Variants in ZFHX3 observed in about 807,000 individuals in gnomAD.
ZFHX3 encodes the protein zinc finger homeobox 3.
In ZFHX3, 42 loss-of-function variants were observed where a neutral mutation model predicts 279.1. That is an observed-to-expected ratio of 0.15 (90% CI 0.12 to 0.19). The LOEUF is 0.19. Ranked by LOEUF, ZFHX3 falls within the 10% of genes least tolerant of loss-of-function variation. The pLI is 1.00. For missense variants in ZFHX3, 4,981 were observed against 4,754.0 expected, an observed-to-expected ratio of 1.05 and a Z score of -1.40; for synonymous variants, 2,293 against 1,957.8, an observed-to-expected ratio of 1.17 and a Z score of -4.52.
intron 1 of ZFHX3, among the ~76,000 whole-genome samples, chr16:73,692,317 A>C (rs2053156980): frequency 6.6e-6 from 1 of 152,170 alleles, no homozygotes; most frequent in African/African-American, 2.4e-5. Context: ...AAATCAGTAC[A>C]ATCTTCAGAT....
intron 1 of ZFHX3, among the ~76,000 whole-genome samples, chr16:73,756,910 C>T (rs758515364): frequency 1.3e-5 from 2 of 152,038 alleles, no homozygotes; most frequent in Non-Finnish European, 2.9e-5. Context: ...CATTAGGAAC[C>T]TCAACATTAT....
chr16:73,750,136 G>A (rs373315459), intron 1 of ZFHX3, among the ~76,000 whole-genome samples: 7 of 152,210 alleles, frequency 4.6e-5, no homozygotes, highest in East Asian at 3.9e-4. Flanking sequence ...TCAATAGGGA[G>A]AAAGAAACCA....
intron 5 of ZFHX3, among the ~76,000 whole-genome samples, chr16:73,180,673 T>C (rs1967770416): frequency 6.6e-6 from 1 of 152,192 alleles, no homozygotes; most frequent in African/African-American, 2.4e-5. Flanking sequence ...CTGCTGTTTT[T>C]TTTTTTTGAG....
chr16:73,786,760 G>T (rs1959662367), intron 1 of ZFHX3, among the ~76,000 whole-genome samples: 1 of 152,220 alleles, frequency 6.6e-6, no homozygotes, highest in South Asian at 2.1e-4. Flanking sequence ...TTTAGGGAAA[G>T]AGGTCTTTGC....
chr16:73,688,186 G>A (rs188805203), intron 1 of ZFHX3, among the ~76,000 whole-genome samples: 8 of 151,666 alleles, frequency 5.3e-5, no homozygotes, highest in South Asian at 2.1e-4. Flanking sequence ...GTGAAACCCC[G>A]TCTCTACTAA....
At chr16:73,064,406 G>T (rs899916507), upstream of ZFHX3, among the ~76,000 whole-genome samples, 2 of 152,142 alleles carry the variant, frequency 1.3e-5, no homozygotes, top group Non-Finnish European at 2.9e-5. Flanking sequence ...GAGCCCTGCC[G>T]CCCCTAACCC....
In ZFHX3 at chr16:73,682,717, G is replaced by A. The variant is rs570202390; in HGVS notation, c.-1607-2477C>T. Among the ~76,000 whole-genome samples, 9 of 151,682 alleles carry A rather than the reference G, an allele frequency of 5.9e-5. No homozygotes were observed. In the South Asian group the frequency reaches 1.7e-3, roughly 28 times the overall value. On this transcript the variant is annotated intron_variant, in intron 1 of 17. Coordinates refer to the ZFHX3 transcript ENST00000641206. ...CAGGAGAATCACCTGAACCCAGGAGGTGGAGGTTGCAGTGAGCTGAGATCC... is the reference window on the plus strand; with the variant it reads ...CAGGAGAATCACCTGAACCCAGGAGATGGAGGTTGCAGTGAGCTGAGATCC...
At chr16:73,168,281 A>ATTTCTTTCTTTCTTTCTT (rs1567408240) in intron 5 of ZFHX3, among the ~76,000 whole-genome samples, 1 of 28,642 alleles carries the variant, frequency 3.5e-5, no homozygotes, top group African/African-American at 1.4e-4. Flanking sequence ...CTTTCTTTCG[A>ATTTCTTTCTTTCTTTCTT]GACAAAGTCT....
At chr16:73,382,188 G>C (rs1172939372) in intron 3 of ZFHX3, among the ~76,000 whole-genome samples, 1 of 152,158 alleles carries the variant, frequency 6.6e-6, no homozygotes, top group Non-Finnish European at 1.5e-5. Flanking sequence ...GAAAAATCCA[G>C]GTGCAATAAG....
At chr16:72,833,085 G>C (rs967575988) in intron 4 of ZFHX3, among the ~76,000 whole-genome samples, 1 of 152,212 alleles carries the variant, frequency 6.6e-6, no homozygotes, top group African/African-American at 2.4e-5. Flanking sequence ...TGCAGGCAGG[G>C]TGTGTTTTAT....
At chr16:72,969,798 T>C (rs1405424012) in intron 1 of ZFHX3, among the ~76,000 whole-genome samples, 1 of 152,238 alleles carries the variant, frequency 6.6e-6, no homozygotes, top group African/African-American at 2.4e-5. Context: ...GTTTGTCTAC[T>C]GCTGCTGCAC....
At chr16:73,170,435 G>T (rs887855211) in intron 5 of ZFHX3, among the ~76,000 whole-genome samples, 2 of 151,866 alleles carry the variant, frequency 1.3e-5, no homozygotes, top group Non-Finnish European at 2.9e-5. Flanking sequence ...TCAACATGTA[G>T]GCTAGGCTGG....
chr16:73,354,149 G>T (rs541526448), intron 3 of ZFHX3, among the ~76,000 whole-genome samples: 1 of 152,066 alleles, frequency 6.6e-6, no homozygotes, highest in South Asian at 2.1e-4. Flanking sequence ...CATCTGGCAC[G>T]CACTTACACT....
intron 2 of ZFHX3, among the ~76,000 whole-genome samples, chr16:73,624,656 A>G (rs1597033986): frequency 6.7e-6 from 1 of 150,146 alleles, no homozygotes; most frequent in East Asian, 2.0e-4. Context: ...AAAAAAAAGG[A>G]AAGAAAGAAA....
chr16:72,897,024 G>T (rs1378597306), intron 3 of ZFHX3, among the ~76,000 whole-genome samples: 1 of 152,226 alleles, frequency 6.6e-6, no homozygotes, highest in African/African-American at 2.4e-5. Flanking sequence ...GAGCCAGGGG[G>T]CTATTCCAGG....
At chr16:73,259,463 C>T (rs1356103021) in intron 4 of ZFHX3, among the ~76,000 whole-genome samples, 1 of 152,158 alleles carries the variant, frequency 6.6e-6, no homozygotes, top group Non-Finnish European at 1.5e-5. Context: ...CTTCTTGAAG[C>T]TTCAGTTATG....
chr16:73,341,498 T>C (rs2016033624), intron 3 of ZFHX3, among the ~76,000 whole-genome samples: 1 of 152,142 alleles, frequency 6.6e-6, no homozygotes, highest in Non-Finnish European at 1.5e-5. Flanking sequence ...GAAACTACAT[T>C]AAAACAGTTT....
chr16:73,807,620 ATTTTT>A (rs55806545), intron 1 of ZFHX3, among the ~76,000 whole-genome samples: 1,115 of 70,520 alleles, frequency 0.016, 6 homozygotes, highest in Middle Eastern at 0.024. Flanking sequence ...CCATGCCCCA[ATTTTT>A]TTTTTTTTTT....
intron 4 of ZFHX3, among the ~76,000 whole-genome samples, chr16:73,265,185 T>G (rs1003351461): frequency 6.6e-6 from 1 of 152,068 alleles, no homozygotes; most frequent in African/African-American, 2.4e-5. Flanking sequence ...TGAATTGTGC[T>G]GCTATAAACA....
Sources: allele counts gnomAD v4.1 joint callset (sites outside exome capture counted in the v4.1 genomes callset), GRCh38; gene constraint gnomAD v4.1.1; transcripts MANE v1.5; gene names NCBI Gene and HGNC (gene_info 2026-07-23, HGNC 2026-07-21).